DGKB: variants seen among roughly 807,000 people sequenced by gnomAD.
DGKB encodes 90 kDa diacylglycerol kinase.
In DGKB, 67 loss-of-function variants were observed where a neutral mutation model predicts 114.3. That is an observed-to-expected ratio of 0.59 (90% CI 0.48 to 0.72). DGKB has a LOEUF of 0.72. DGKB is among the 30% of genes least tolerant of loss of function. The probability of loss-of-function intolerance (pLI) is 0.00; values close to 1 mark genes in which losing one functional copy is unlikely to be tolerated. For synonymous variants in DGKB, 398 were observed against 323.1 expected, an observed-to-expected ratio of 1.23 and a Z score of -2.49; for missense variants, 907 against 975.2, an observed-to-expected ratio of 0.93 and a Z score of 0.93.
chr7:14,416,375 C>A (rs552103871), intron 21 of DGKB, among the ~76,000 whole-genome samples: 1 of 152,134 alleles, frequency 6.6e-6, no homozygotes, highest in South Asian at 2.1e-4. Flanking sequence ...TTGCTAAGAA[C>A]TTTGTAAAAT....
At chr7:14,564,513 C>T (rs1797108870) in intron 20 of DGKB, among the ~76,000 whole-genome samples, 1 of 152,114 alleles carries the variant, frequency 6.6e-6, no homozygotes, top group Non-Finnish European at 1.5e-5. Flanking sequence ...ATTTCTGAAG[C>T]TATATGTTTG....
chr7:14,935,997 GC>G (rs1398644490), intron 1 of DGKB, among the ~76,000 whole-genome samples: 9 of 152,128 alleles, frequency 5.9e-5, no homozygotes, highest in Non-Finnish European at 1.3e-4. Flanking sequence ...GCTAATCCAG[GC>G]AGCAAGTAAT....
At chr7:14,703,681 A>G (rs76166770) in intron 6 of DGKB, among the ~76,000 whole-genome samples, 2,191 of 152,224 alleles carry the variant, frequency 0.014, 67 homozygotes, top group African/African-American at 0.049. Context: ...GTTCTGGATG[A>G]GTCAGGGGTG....
chr7:14,752,732 A>G (rs927736887), intron 4 of DGKB, among the ~76,000 whole-genome samples: 1 of 152,166 alleles, frequency 6.6e-6, no homozygotes, highest in African/African-American at 2.4e-5. Context: ...TTTTGACATG[A>G]ATTTTCAGAC....
At chr7:14,763,051 C>T (rs1835929919) in intron 2 of DGKB, among the ~76,000 whole-genome samples, 1 of 152,204 alleles carries the variant, frequency 6.6e-6, no homozygotes, top group South Asian at 2.1e-4. Flanking sequence ...AATCTATCTT[C>T]CAACAGTTAT....
intron 21 of DGKB, among the ~76,000 whole-genome samples, chr7:14,358,165 TGGATA>T (rs1464137590): frequency 1.3e-5 from 2 of 152,220 alleles, no homozygotes; most frequent in Non-Finnish European, 2.9e-5. Context: ...GAACTTCTCC[TGGATA>T]ATATCCTGAA....
At chr7:14,332,426 C>T (rs1216184545) in intron 23 of DGKB, among the ~76,000 whole-genome samples, 1 of 152,162 alleles carries the variant, frequency 6.6e-6, no homozygotes, top group Non-Finnish European at 1.5e-5. Context: ...TAAGTATTTC[C>T]ACATGGGGCT....
intron 23 of DGKB, among the ~76,000 whole-genome samples, chr7:14,246,463 C>T (rs1053288031): frequency 2.0e-5 from 3 of 152,122 alleles, no homozygotes; most frequent in African/African-American, 4.8e-5. Context: ...CTGTGGCAAA[C>T]GGCTTGTCAG....
intron 23 of DGKB, among the ~76,000 whole-genome samples, chr7:14,192,312 G>A (rs377582462): frequency 3.3e-5 from 5 of 152,068 alleles, no homozygotes; most frequent in African/African-American, 9.7e-5. Context: ...CATGTCCATA[G>A]GATAATAGTG....
chr7:14,274,365 A>G (rs1562806077), intron 23 of DGKB, among the ~76,000 whole-genome samples: 1 of 152,114 alleles, frequency 6.6e-6, no homozygotes, highest in Non-Finnish European at 1.5e-5. Flanking sequence ...TTTTCTTACT[A>G]AAATGCAGAC....
intron 2 of DGKB, among the ~76,000 whole-genome samples, chr7:14,838,669 C>T (rs1037885418): frequency 6.6e-6 from 1 of 152,130 alleles, no homozygotes; most frequent in African/African-American, 2.4e-5. Context: ...CAGTCTACAC[C>T]AATACCCTAC....
At chr7:14,725,800 A>G (rs10247462) in intron 5 of DGKB, among the ~76,000 whole-genome samples, 111,396 of 151,840 alleles carry the variant, frequency 0.73, 41,057 homozygotes, top group East Asian at 0.99. Context: ...TCTGTACCTC[A>G]GCCTCCCAAA....
intron 21 of DGKB, among the ~76,000 whole-genome samples, chr7:14,423,585 T>C (rs1250585329): frequency 6.6e-6 from 1 of 152,096 alleles, no homozygotes; most frequent in Non-Finnish European, 1.5e-5. Context: ...GGTTTTGATA[T>C]ATTTTGAGAG....
intron 20 of DGKB, among the ~76,000 whole-genome samples, chr7:14,483,881 G>C (rs1227364929): frequency 6.6e-6 from 1 of 152,046 alleles, no homozygotes; most frequent in Non-Finnish European, 1.5e-5. Context: ...CATAAACCTA[G>C]GAGCACCTCG....
At chr7:14,383,986 T>A (rs1206591962) in intron 21 of DGKB, among the ~76,000 whole-genome samples, 1 of 152,220 alleles carries the variant, frequency 6.6e-6, no homozygotes, top group Non-Finnish European at 1.5e-5. Context: ...AGATTGACCA[T>A]ACTTTGGTCA....
chr7:14,151,262 A>T (rs1169094062), intron 25 of DGKB, among the ~76,000 whole-genome samples: 2 of 152,060 alleles, frequency 1.3e-5, no homozygotes, highest in African/African-American at 4.8e-5. Context: ...GGGAAATTAG[A>T]TCATTATTTC....
rs13307852 is a variant in DGKB at position 14,359,831 on chromosome 7, C to T, written c.1836-14440G>A. Among the ~76,000 whole-genome samples, 6 of 151,894 alleles carry T rather than the reference C, an allele frequency of 4.0e-5. No homozygotes were observed. The East Asian group carries it at 7.8e-4, about 20-fold the overall frequency. On this transcript the variant is annotated intron_variant, in intron 21 of 25. Coordinates refer to ENST00000402815, the MANE Select transcript of DGKB (RefSeq NM_001350709.2). ...AGGAAACAACAGATGCTGGAGAGGA[C>T]GTGGAGAAACAGGAATGCTTTTACA...
At chr7:14,866,001 G>A (rs1333968669) in intron 1 of DGKB, among the ~76,000 whole-genome samples, 1 of 152,106 alleles carries the variant, frequency 6.6e-6, no homozygotes, top group Non-Finnish European at 1.5e-5. Context: ...CAAAAATACA[G>A]ATCATAATAG....
intron 1 of DGKB, among the ~76,000 whole-genome samples, chr7:14,886,605 T>A (rs1294005283): frequency 1.3e-5 from 2 of 151,850 alleles, no homozygotes; most frequent in Non-Finnish European, 2.9e-5. Flanking sequence ...TCAATTTCAC[T>A]TCATAAATAT....
Sources: gnomAD v4.1 joint callset for allele counts (sites outside exome capture counted in the v4.1 genomes callset) on GRCh38, gnomAD v4.1.1 for gene constraint, MANE v1.5 for transcripts, NCBI Gene and HGNC (gene_info 2026-07-23, HGNC 2026-07-21) for gene names.